The following DIAPH3 variants were observed in gnomAD, a reference collection of about 807,000 sequenced individuals.
The protein encoded by DIAPH3 is diaphanous related formin 3.
Under a neutral mutation model 144.3 loss-of-function variants are expected in DIAPH3, and 117 were observed. That is an observed-to-expected ratio of 0.81 (90% CI 0.70 to 0.95). DIAPH3 has a LOEUF of 0.95. Among genes scored for constraint, DIAPH3 ranks in the 40% least tolerant of loss-of-function variants. The pLI, the probability that DIAPH3 is intolerant of heterozygous loss-of-function variation, is 0.00. For missense variants in DIAPH3, 1,421 were observed against 1,412.7 expected (o/e 1.01, Z -0.09); for synonymous variants, 519 against 488.9 (o/e 1.06, Z -0.81).
intron 27 of DIAPH3, among the ~76,000 whole-genome samples, chr13:59,697,754 C>G (rs1249665192): frequency 6.6e-6 from 1 of 151,944 alleles, no homozygotes; most frequent in East Asian, 1.9e-4. Flanking sequence ...TCCACACAAG[C>G]TATGAGAAAA....
At chr13:59,828,242 C>T (rs2041566335) in intron 24 of DIAPH3, among the ~76,000 whole-genome samples, 1 of 151,958 alleles carries the variant, frequency 6.6e-6, no homozygotes, top group Admixed American at 6.6e-5. Context: ...TCACCTTATC[C>T]TTCACCCCAG....
At chr13:60,146,759 C>T (rs569267121) in intron 1 of DIAPH3, among the ~76,000 whole-genome samples, 1 of 152,104 alleles carries the variant, frequency 6.6e-6, no homozygotes, top group East Asian at 1.9e-4. Flanking sequence ...TTTAAAAGTA[C>T]AATAGTTTTA....
chr13:59,940,757 G>A (rs2048488417), intron 17 of DIAPH3, among the ~76,000 whole-genome samples: 1 of 152,010 alleles, frequency 6.6e-6, no homozygotes, highest in Non-Finnish European at 1.5e-5. Context: ...ACCCATAAGA[G>A]GCTAAGGGCC....
intron 17 of DIAPH3, among the ~76,000 whole-genome samples, chr13:59,942,941 T>C (rs186789583): frequency 5.9e-5 from 9 of 152,340 alleles, no homozygotes; most frequent in Admixed American, 5.2e-4. Flanking sequence ...TTAGCTATTT[T>C]CCTTATTAAT....
chr13:59,726,447 C>A (rs2035605244), intron 27 of DIAPH3, among the ~76,000 whole-genome samples: 2 of 152,138 alleles, frequency 1.3e-5, no homozygotes, highest in South Asian at 4.1e-4. Context: ...GGTCTATTTG[C>A]CTGCTCTTAT....
intron 27 of DIAPH3, among the ~76,000 whole-genome samples, chr13:59,771,350 A>T (rs909499725): frequency 9.2e-5 from 14 of 152,176 alleles, no homozygotes; most frequent in East Asian, 7.7e-4. Context: ...CTAACACAGC[A>T]TAGGTTTATT....
At chr13:59,666,921 T>C in intron 27 of DIAPH3, 75 bp from the exon 28 acceptor site, 1 of 1,519,980 alleles carries the variant, frequency 6.6e-7, no homozygotes, top group Non-Finnish European at 9.1e-7. Context: ...GAAACACATT[T>C]AAAATAATTA....
At chr13:59,897,472 G>A (rs1036923819) in intron 20 of DIAPH3, among the ~76,000 whole-genome samples, 20 of 151,306 alleles carry the variant, frequency 1.3e-4, no homozygotes, top group South Asian at 1.0e-3. Flanking sequence ...GGTGCTGGCC[G>A]GGCACGGTGG....
At chr13:59,873,759 C>T (rs1477261546) in intron 21 of DIAPH3, among the ~76,000 whole-genome samples, 20 of 151,076 alleles carry the variant, frequency 1.3e-4, no homozygotes, top group African/African-American at 2.4e-5. Context: ...CTCCGCCTCC[C>T]GGGTTCAAGC....
intron 1 of DIAPH3, among the ~76,000 whole-genome samples, chr13:60,149,538 C>T (rs1951686857): frequency 6.6e-6 from 1 of 151,974 alleles, no homozygotes; most frequent in East Asian, 1.9e-4. Flanking sequence ...ACTACTTTAG[C>T]CCAAGAGTTC....
At chr13:59,928,385 C>A (rs947194155) in intron 17 of DIAPH3, among the ~76,000 whole-genome samples, 3 of 151,928 alleles carry the variant, frequency 2.0e-5, no homozygotes, top group Admixed American at 6.6e-5. Flanking sequence ...TTATAAATTT[C>A]TTTTTATTTG....
At chr13:59,861,377 C>T in intron 22 of DIAPH3, 30 bp downstream of exon 22, 1 of 1,613,332 alleles carries the variant, frequency 6.2e-7, no homozygotes. Context: ...AAGATCAGAG[C>T]CATGAAATGT....
chr13:59,966,997 C>A (rs939197489), intron 17 of DIAPH3, among the ~76,000 whole-genome samples: 1 of 152,124 alleles, frequency 6.6e-6, no homozygotes, highest in African/African-American at 2.4e-5. Flanking sequence ...TGGATTTTCA[C>A]CTTGGAGTGA....
chr13:59,898,985 G>T (rs1193577015), intron 20 of DIAPH3, among the ~76,000 whole-genome samples: 2 of 152,166 alleles, frequency 1.3e-5, no homozygotes, highest in Non-Finnish European at 2.9e-5. Context: ...AACATGGAAG[G>T]ACTAGACTGA....
intron 27 of DIAPH3, among the ~76,000 whole-genome samples, chr13:59,766,728 A>G (rs1056128131): frequency 3.9e-5 from 6 of 152,040 alleles, no homozygotes; most frequent in Non-Finnish European, 8.8e-5. Context: ...TGCTCATTAA[A>G]TCACAAACCA....
chr13:59,957,423 AT>A (rs1024385336), intron 17 of DIAPH3, among the ~76,000 whole-genome samples: 1 of 152,172 alleles, frequency 6.6e-6, no homozygotes, highest in African/African-American at 2.4e-5. Context: ...GCCTGCCACC[AT>A]GTAAGATGGG....
At chr13:59,942,341 A>C (rs565357203) in intron 17 of DIAPH3, among the ~76,000 whole-genome samples, 1 of 152,274 alleles carries the variant, frequency 6.6e-6, no homozygotes, top group East Asian at 1.9e-4. Flanking sequence ...AAATAAAACA[A>C]ATGACTCACA....
At chr13:59,871,617 G>C (rs982738476) in intron 21 of DIAPH3, among the ~76,000 whole-genome samples, 1 of 152,136 alleles carries the variant, frequency 6.6e-6, no homozygotes, top group Admixed American at 6.5e-5. Context: ...ACCCAGCCAG[G>C]ATGCATAGAA....
chr13:59,831,426 T>G (rs868348984), intron 24 of DIAPH3, among the ~76,000 whole-genome samples: 10 of 151,644 alleles, frequency 6.6e-5, no homozygotes, highest in Non-Finnish European at 7.4e-5. Flanking sequence ...CTCAGTGGAG[T>G]CCAACAGACA....
Sources: gnomAD v4.1 joint callset for allele counts (sites outside exome capture counted in the v4.1 genomes callset) on GRCh38, gnomAD v4.1.1 for gene constraint, MANE v1.5 for transcripts, NCBI Gene and HGNC (gene_info 2026-07-23, HGNC 2026-07-21) for gene names.